Variants in GPC6 observed in about 807,000 individuals in gnomAD.
The protein encoded by GPC6 is glypican-6.
GPC6 carries 14 observed loss-of-function variants against 55.2 expected under a neutral mutation model. The observed-to-expected ratio is 0.25, with a 90% CI of 0.17 to 0.40. GPC6 has a LOEUF of 0.40. GPC6 is among the 10% of genes least tolerant of loss of function. The pLI is 1.00. For synonymous variants in GPC6, 278 were observed against 259.6 expected (o/e 1.07, Z -0.68); for missense variants, 641 against 708.5 (o/e 0.90, Z 1.08).
chr13:93,312,511 CT>C (rs1375272046), intron 1 of GPC6, among the ~76,000 whole-genome samples: 2 of 151,992 alleles, frequency 1.3e-5, no homozygotes, highest in African/African-American at 2.4e-5. Context: ...ATCCTGCTTT[CT>C]TTTTTTTCTT....
intron 4 of GPC6, among the ~76,000 whole-genome samples, chr13:94,249,931 A>T (rs1891301068): frequency 6.6e-6 from 1 of 152,152 alleles, no homozygotes; most frequent in African/African-American, 2.4e-5. Context: ...TAAATTCGAG[A>T]TGTCTGCCAT....
rs553425928 is a variant in GPC6 at position 94,347,110 on chromosome 13, G to C, written c.1153-35304G>C. On this transcript the variant is annotated intron_variant, in intron 6 of 8. Coordinates refer to ENST00000377047, the MANE Select transcript of GPC6 (RefSeq NM_005708.5). The stretch of plus-strand genomic sequence containing the variant: ...CGTTGGAGGTGAGCTCAAGGAACTG[G>C]GGGTGATGTTATATTTGAGCATTTC... Among the ~76,000 whole-genome samples the C allele has an allele frequency of 5.9e-5, 9 of 152,260 alleles. No homozygotes were observed. The South Asian group carries it at 1.9e-3, about 32-fold the overall frequency.
rs117059477 is a variant in GPC6, at chr13:94,403,343, G to C, written c.*126G>C. On this transcript the variant is annotated 3_prime_UTR_variant, in exon 9 of 9. Coordinates refer to ENST00000377047, the MANE Select transcript of GPC6 (RefSeq NM_005708.5). ...TACCGTTTTCTATGAGAAGAGAGCAGTAATGCAATCTGCCTCCCTTTTTGT... is the reference window on the plus strand; with the variant it reads ...TACCGTTTTCTATGAGAAGAGAGCACTAATGCAATCTGCCTCCCTTTTTGT... 6.0e-4 allele frequency: 452 copies of C among 749,162 alleles called. 5 individuals carry two copies. In the East Asian group the frequency reaches 0.011, roughly 19 times the overall value. The allele number at this position is 749,162 out of a possible 1,614,324, so 46.4% of individuals were successfully genotyped here. A position where few individuals can be genotyped will look rare whatever the true frequency, so the allele number is the denominator to read the frequency against.
At chr13:93,645,838 G>A (rs533911365) in intron 2 of GPC6, among the ~76,000 whole-genome samples, 154 of 152,200 alleles carry the variant, frequency 1.0e-3, no homozygotes, top group African/African-American at 3.6e-3. Flanking sequence ...TAGAGTGTCT[G>A]TTCATGAGAG....
At chr13:94,082,388 T>C (rs1885132314) in intron 4 of GPC6, among the ~76,000 whole-genome samples, 1 of 152,158 alleles carries the variant, frequency 6.6e-6, no homozygotes, top group African/African-American at 2.4e-5. Flanking sequence ...ATGTTTTCAA[T>C]CCAAACTTAT....
At chr13:94,025,020 T>C (rs2138717066) in intron 3 of GPC6, among the ~76,000 whole-genome samples, 1 of 152,334 alleles carries the variant, frequency 6.6e-6, no homozygotes. Flanking sequence ...CAGTGAAAGT[T>C]ATAAAAATGA....
intron 4 of GPC6, among the ~76,000 whole-genome samples, chr13:94,222,726 A>G (rs567762112): frequency 6.6e-6 from 1 of 152,264 alleles, no homozygotes; most frequent in East Asian, 1.9e-4. Context: ...TAACAGAGAA[A>G]GTTTTCAAAT....
intron 4 of GPC6, among the ~76,000 whole-genome samples, chr13:94,069,165 T>C (rs987328151): frequency 6.6e-6 from 1 of 152,176 alleles, no homozygotes; most frequent in African/African-American, 2.4e-5. Flanking sequence ...ACCCCCATTA[T>C]TGACTTCTGT....
chr13:93,975,687 T>C (rs1485770852), intron 3 of GPC6, among the ~76,000 whole-genome samples: 1 of 152,170 alleles, frequency 6.6e-6, no homozygotes, highest in Non-Finnish European at 1.5e-5. Context: ...CTGGTGTATA[T>C]GTTTCATTTT....
chr13:93,616,393 T>C (rs889397115), intron 2 of GPC6, among the ~76,000 whole-genome samples: 2 of 152,220 alleles, frequency 1.3e-5, no homozygotes, highest in African/African-American at 4.8e-5. Flanking sequence ...TCTCTTACAA[T>C]ATGTGCGATT....
At position 93,277,890 on chromosome 13, in the gene GPC6, A is replaced by C. The variant is rs80230434; in HGVS notation, c.160+50274A>C. 2.1e-3 allele frequency among the ~76,000 whole-genome samples: 325 copies of C among 152,256 alleles called. 2 individuals carry two copies. Among genetic ancestry groups the C allele is most frequent in the African/African-American group, 7.7e-3 (320 of 41,560 alleles). ...GTTTTTATGTTTGCTTTCCTACCAT[A>C]AAATTAGAGTTTAGTCCCTTGATGC... On this transcript the variant is annotated intron_variant, in intron 1 of 8. Coordinates refer to ENST00000377047, the MANE Select transcript of GPC6 (RefSeq NM_005708.5).
chr13:93,556,855 T>G (rs1875511507), intron 2 of GPC6, among the ~76,000 whole-genome samples: 1 of 152,158 alleles, frequency 6.6e-6, no homozygotes, highest in South Asian at 2.1e-4. Flanking sequence ...GATCTTCAGT[T>G]CCATCCATAT....
At chr13:93,981,254 T>G (rs1880792430) in intron 3 of GPC6, among the ~76,000 whole-genome samples, 1 of 152,172 alleles carries the variant, frequency 6.6e-6, no homozygotes, top group Admixed American at 6.6e-5. Flanking sequence ...ATTTCTTATC[T>G]GATGAGCCCA....
At chr13:93,484,984 A>T (rs186164525) in intron 1 of GPC6, among the ~76,000 whole-genome samples, 1 of 152,220 alleles carries the variant, frequency 6.6e-6, no homozygotes. Flanking sequence ...AAATTTTCTT[A>T]TAGTTTCCAA....
chr13:94,356,634 C>T (rs914140374), intron 6 of GPC6, among the ~76,000 whole-genome samples: 3 of 152,230 alleles, frequency 2.0e-5, no homozygotes, highest in Admixed American at 6.5e-5. Flanking sequence ...AGAGCCATCA[C>T]TCCTGGTGAA....
intron 5 of GPC6, among the ~76,000 whole-genome samples, chr13:94,293,070 G>A (rs574208904): frequency 3.6e-4 from 55 of 152,236 alleles, no homozygotes; most frequent in South Asian, 6.2e-4. Flanking sequence ...AGGGGCAAGA[G>A]CATATTAAAA....
chr13:93,707,135 T>C (rs1882880198), intron 2 of GPC6, among the ~76,000 whole-genome samples: 1 of 151,804 alleles, frequency 6.6e-6, no homozygotes, highest in South Asian at 2.1e-4. Context: ...TAAAAAAATC[T>C]ATCATTTCCA....
chr13:94,338,980 A>G (rs1473127284), intron 6 of GPC6, among the ~76,000 whole-genome samples: 1 of 152,172 alleles, frequency 6.6e-6, no homozygotes, highest in Non-Finnish European at 1.5e-5. Flanking sequence ...TGCTCTAGCC[A>G]TTGACCTAGC....
chr13:93,443,080 T>G (rs191504015), intron 1 of GPC6, among the ~76,000 whole-genome samples: 167 of 152,330 alleles, frequency 1.1e-3, no homozygotes, highest in African/African-American at 3.6e-3. Context: ...TTAGAGAACC[T>G]AACACCTATC....
Sources: gnomAD v4.1 joint callset for allele counts (sites outside exome capture counted in the v4.1 genomes callset) on GRCh38, gnomAD v4.1.1 for gene constraint, MANE v1.5 for transcripts, NCBI Gene and HGNC (gene_info 2026-07-23, HGNC 2026-07-21) for gene names.